The following FAM120A variants were observed in gnomAD, a reference collection of about 807,000 sequenced individuals.
FAM120A encodes family with sequence similarity 120 member A.
FAM120A carries 15 observed loss-of-function variants against 109.7 expected under a neutral mutation model. The observed-to-expected ratio is 0.14, with a 90% CI of 0.09 to 0.21. FAM120A has a LOEUF of 0.21. Among genes scored for constraint, FAM120A ranks in the 10% least tolerant of loss-of-function variants. FAM120A has a pLI of 1.00. For synonymous variants in FAM120A, 493 were observed against 572.8 expected (o/e 0.86, Z 1.99); for missense variants, 899 against 1,439.3 (o/e 0.62, Z 6.07).
At chr9:93,544,160 T>C (rs1422927572) in intron 11 of FAM120A, among the ~76,000 whole-genome samples, 2 of 152,232 alleles carry the variant, frequency 1.3e-5, no homozygotes, top group African/African-American at 4.8e-5. Context: ...GCCTTATCCT[T>C]ACGCACATTG....
In FAM120A at chr9:93,515,084, C is replaced by T. The variant is rs565352262; in HGVS notation, c.1031-583C>T. Among the ~76,000 whole-genome samples the T allele has an allele frequency of 2.1e-5, 3 of 145,992 alleles. No individual in the cohort carries two copies. The South Asian group carries it at 6.3e-4, about 31-fold the overall frequency. On this transcript the variant is annotated intron_variant, in intron 5 of 17. Transcript: ENST00000277165. ...TAAGAGAACACAGAATCACAAATTA[C>T]TCATCCTGTATATGTGTTAAAATGT...
In FAM120A at chr9:93,452,735, C is replaced by T. The variant is rs764927222; in HGVS notation, c.474+346C>T. ...CCTATTTGAGGCGGGCAGGCTATCA[C>T]TCACCTTCAACTTTGACAAAATACT... is the stretch of plus-strand genomic sequence containing the variant. On this transcript the variant is annotated intron_variant, in intron 1 of 17. Transcript: ENST00000277165. The surrounding 1 kb of genome is among the most constrained non-coding windows in gnomAD (Gnocchi z 7.0). 3.8e-6 allele frequency: 6 copies of T among 1,598,068 alleles called. No individual in the cohort carries two copies. In the Admixed American group the frequency reaches 8.3e-5, roughly 22 times the overall value.
Position 93,453,135 on chromosome 9 carries a change from T to A in FAM120A, c.474+746T>A, listed in dbSNP as rs143002366. 6.3e-5 allele frequency: 63 copies of A among 1,004,158 alleles called. 2 individuals carry two copies. In the East Asian group the frequency reaches 4.7e-3, roughly 75 times the overall value. The allele number at this position is 1,004,158 out of a possible 1,614,324, so 62.2% of individuals were successfully genotyped here. A position where few individuals can be genotyped will look rare whatever the true frequency, so the allele number is the denominator to read the frequency against. ...AGGCAGTTCGGTTTTGTAGATCCCA[T>A]GCGAAAGGAGTCGCTCAAAATCAGG... On this transcript the variant is annotated intron_variant, in intron 1 of 17. Coordinates refer to ENST00000277165, the MANE Select transcript of FAM120A (RefSeq NM_014612.5).
chr9:93,563,225 AGAT>A (rs1483197532), intron 17 of FAM120A, among the ~76,000 whole-genome samples: 2 of 152,192 alleles, frequency 1.3e-5, no homozygotes, highest in Admixed American at 1.3e-4. Flanking sequence ...GAGGCCTAGA[AGAT>A]GCTGGAAGGT....
At chr9:93,497,217 A>C (rs1859613028) in intron 3 of FAM120A, among the ~76,000 whole-genome samples, 1 of 152,234 alleles carries the variant, frequency 6.6e-6, no homozygotes, top group Non-Finnish European at 1.5e-5. Flanking sequence ...AGACTGTCAG[A>C]TGCTCTTTTC....
chr9:93,514,628 C>G (rs10992769), intron 5 of FAM120A, among the ~76,000 whole-genome samples: 32,488 of 152,114 alleles, frequency 0.21, 4,417 homozygotes, highest in Non-Finnish European at 0.29. Context: ...ACATCATAGG[C>G]CCTCAGCACC....
At chr9:93,508,093 A>G (rs935500328) in intron 5 of FAM120A, among the ~76,000 whole-genome samples, 3 of 152,174 alleles carry the variant, frequency 2.0e-5, no homozygotes, top group Non-Finnish European at 4.4e-5. Context: ...CATAGCAGAC[A>G]GCCTCCTGCT....
At chr9:93,538,432 T>A (rs1174636798) in intron 10 of FAM120A, among the ~76,000 whole-genome samples, 1 of 152,190 alleles carries the variant, frequency 6.6e-6, no homozygotes, top group African/African-American at 2.4e-5. Context: ...TCTCCTGATA[T>A]AAATGAATTG....
At chr9:93,479,813 A>T (rs1588812228) in intron 3 of FAM120A, among the ~76,000 whole-genome samples, 1 of 149,106 alleles carries the variant, frequency 6.7e-6, no homozygotes, top group Non-Finnish European at 1.5e-5. Flanking sequence ...TAACTCTCTG[A>T]CTGTCATCGA....
At position 93,532,308 on chromosome 9, in the gene FAM120A, A is replaced by G. The variant is rs1164781827; in HGVS notation, c.1888A>G (p.Lys630Glu). Residue 630 changes from lysine (K) to glutamate (E), a missense_variant, in exon 10 of 18, where the codon AAG becomes GAG. Transcript: ENST00000277165. The surrounding 1 kb of genome is among the most constrained non-coding windows in gnomAD (Gnocchi z 4.3). The part of the protein sequence containing the change: ...RKKTERLAFR[K>E]NRLPPEFSPV... ...GAAAACTGAGAGACTTGCTTTTAGA[A>G]AGAACAGACTTCCACCAGAATGTAT... is the stretch of plus-strand genomic sequence containing the variant. 5 of 1,614,240 alleles carry G rather than the reference A, an allele frequency of 3.1e-6. No homozygotes were observed. The highest frequency in any genetic ancestry group is 4.2e-6 in the Non-Finnish European group (5 of 1,180,042).
At position 93,462,246 on chromosome 9, in the gene FAM120A, T is replaced by A. The variant is rs1857825492; in HGVS notation, c.475-8895T>A. On this transcript the variant is annotated intron_variant, in intron 1 of 17. Transcript: ENST00000277165. ...ATACACCTAACATAAAATTTACCAA[T>A]TTAACCATTTTTAAATGTACAGTTC... is the stretch of plus-strand genomic sequence containing the variant. Among the ~76,000 whole-genome samples, 2 of 152,192 alleles carry A rather than the reference T, an allele frequency of 1.3e-5. 1 individual carries two copies. Among genetic ancestry groups the A allele is most frequent in the South Asian group, 4.1e-4 (2 of 4,834 alleles).
chr9:93,544,219 A>G (rs1049241075), intron 11 of FAM120A, among the ~76,000 whole-genome samples: 2 of 152,220 alleles, frequency 1.3e-5, no homozygotes, highest in Non-Finnish European at 2.9e-5. Flanking sequence ...TGTGACACAC[A>G]CCATCCTCTT....
intron 5 of FAM120A, 116 bp downstream of exon 5, chr9:93,499,002 T>TG: frequency 1.3e-6 from 1 of 765,492 alleles, no homozygotes; most frequent in Non-Finnish European, 2.2e-6. Context: ...TCTGTAGTTA[T>TG]GCCAGTAAGT....
intron 9 of FAM120A, 133 bp downstream of exon 9, chr9:93,529,713 C>T (rs41274404): frequency 0.015 from 11,316 of 769,826 alleles, 115 homozygotes; most frequent in Non-Finnish European, 0.02. Context: ...GTTCACTTTC[C>T]CCTTTCTAAA....
rs1861774759 is a variant in FAM120A at position 93,543,442 on chromosome 9, T to G, written c.2130T>G (p.Thr710=). The G allele has an allele frequency of 6.2e-7, 1 of 1,614,012 alleles. No individual in the cohort carries two copies. Among genetic ancestry groups the G allele is most frequent in the African/African-American group, 1.3e-5 (1 of 74,934 alleles). The part of the protein sequence containing the change: ...PAMLNPANVP[T]HLMVLCCVLR... ...TGCTCAACCCTGCCAACGTGCCCACTCACCTCATGGTGCTCTGCTGCGTCT... is the reference window on the plus strand; with the variant it reads ...TGCTCAACCCTGCCAACGTGCCCACGCACCTCATGGTGCTCTGCTGCGTCT... The change falls in exon 11 of 18, where the codon ACT becomes ACG. Residue 710 remains threonine, a synonymous_variant. Coordinates refer to ENST00000277165, the MANE Select transcript of FAM120A (RefSeq NM_014612.5).
rs549076311 is a variant in FAM120A, at chr9:93,529,383, A to C, written c.1537A>C (p.Ser513Arg). Residue 513 changes from serine to arginine, a missense_variant, in exon 9 of 18, where the codon AGC becomes CGC. By Grantham distance (110) the Ser-to-Arg change is moderately radical. Transcript: ENST00000277165. ...AGGCTCGTCCACTGCCTCTTCAGGA[A>C]GCCAACTAGCCGAAGGCAAGGGAAG... Reference protein sequence around the residue: ...AEGSSTASSGSQLAEGKGSQM... With the variant: ...AEGSSTASSGRQLAEGKGSQM... The C allele has an allele frequency of 6.2e-7, 1 of 1,611,662 alleles. No individual in the cohort carries two copies. The highest frequency in any genetic ancestry group is 1.1e-5 in the South Asian group (1 of 90,728).
intron 1 of FAM120A, 86 bp from the exon 2 acceptor site, chr9:93,471,055 C>T (rs1858289333): frequency 4.1e-5 from 59 of 1,451,630 alleles, no homozygotes; most frequent in East Asian, 2.9e-4. Context: ...TGTGATTTTT[C>T]AGCTTCTGTG....
In FAM120A at chr9:93,452,509, C is replaced by T. The variant is rs1281636023; in HGVS notation, c.474+120C>T. 6.5e-6 allele frequency: 10 copies of T among 1,549,674 alleles called. No individual in the cohort carries two copies. The highest frequency in any genetic ancestry group is 2.6e-6 in the Non-Finnish European group (3 of 1,152,894). On this transcript the variant is annotated intron_variant, in intron 1 of 17. Coordinates refer to ENST00000277165, the MANE Select transcript of FAM120A (RefSeq NM_014612.5). This position sits in a 1 kb window ranked among gnomAD's most constrained non-coding sequence, Gnocchi z 7.0. ...GCTGGGGGCAGCGAGTTCCCCCAGC[C>T]CTTGCCCGGGATAGCCTGGCCGGGC...
Position 93,532,290 on chromosome 9 carries a change from G to C in FAM120A, c.1870G>C (p.Glu624Gln). 6.2e-7 allele frequency: 1 copy of C among 1,614,220 alleles called. No homozygotes were observed. The highest frequency in any genetic ancestry group is 8.5e-7 in the Non-Finnish European group (1 of 1,180,040). The change falls in exon 10 of 18, where the codon GAG (glutamate) becomes CAG (glutamine). Residue 624 changes from glutamate (E) to glutamine (Q), a missense_variant. This residue lies in a region of FAM120A where 133 missense variants were observed against 276.6 expected (regional missense o/e 0.48). Transcript: ENST00000277165. The surrounding 1 kb of genome is among the most constrained non-coding windows in gnomAD (Gnocchi z 4.3). ...FSLAESRKKT[E>Q]RLAFRKNRLP... ...TTTGGCAGAAAGCAGAAAGAAAACT[G>C]AGAGACTTGCTTTTAGAAAGAACAG...
Sources: gnomAD v4.1 joint callset for allele counts (sites outside exome capture counted in the v4.1 genomes callset) on GRCh38, gnomAD v4.1.1 for gene constraint, gnomAD v4.1.1 regional missense constraint, Gnocchi (gnomAD v3.1) non-coding constraint, MANE v1.5 for transcripts, NCBI Gene and HGNC (gene_info 2026-07-23, HGNC 2026-07-21) for gene names.